ITGBL1: variants seen among roughly 807,000 people sequenced by gnomAD.
ITGBL1 encodes integrin beta-like protein 1.
In ITGBL1, 51 loss-of-function variants were observed where a neutral mutation model predicts 68.5. The ratio of observed to expected loss-of-function variants is 0.74; its 90% CI spans 0.59 to 0.94. The LOEUF (loss-of-function observed/expected upper bound fraction) is 0.94, where lower values mean the gene tolerates loss of function less well. ITGBL1 is among the 40% of genes least tolerant of loss of function. The pLI, the probability that ITGBL1 is intolerant of heterozygous loss-of-function variation, is 0.00. For missense variants in ITGBL1, 649 were observed against 647.4 expected (o/e 1.00, Z -0.03); for synonymous variants, 209 against 227.3 (o/e 0.92, Z 0.72).
At chr13:101,505,058 C>T (rs2049005606) in intron 2 of ITGBL1, among the ~76,000 whole-genome samples, 1 of 152,142 alleles carries the variant, frequency 6.6e-6, no homozygotes, top group Non-Finnish European at 1.5e-5. Flanking sequence ...TAAGCTGTTA[C>T]CATCTCTCAA....
intron 7 of ITGBL1, among the ~76,000 whole-genome samples, chr13:101,658,989 T>C (rs2033007294): frequency 6.6e-6 from 1 of 151,832 alleles, no homozygotes; most frequent in Admixed American, 6.6e-5. Flanking sequence ...AACAAGTTTC[T>C]ATCTTAAACA....
chr13:101,617,639 C>T (rs1450066595), intron 7 of ITGBL1, among the ~76,000 whole-genome samples: 1 of 152,122 alleles, frequency 6.6e-6, no homozygotes, highest in Non-Finnish European at 1.5e-5. Context: ...TTTATTAAAA[C>T]TATAGAAATT....
chr13:101,699,058 C>G (rs2034071774), intron 8 of ITGBL1, among the ~76,000 whole-genome samples: 1 of 152,164 alleles, frequency 6.6e-6, no homozygotes, highest in Non-Finnish European at 1.5e-5. Context: ...TTCAGTGACT[C>G]CCAGGCACTG....
At chr13:101,605,067 T>C (rs190967929) in intron 7 of ITGBL1, among the ~76,000 whole-genome samples, 1 of 143,396 alleles carries the variant, frequency 7.0e-6, no homozygotes, top group African/African-American at 2.6e-5. Context: ...TGTGTATATG[T>C]GTATATACAT....
chr13:101,662,636 C>T (rs2033117080), intron 7 of ITGBL1, among the ~76,000 whole-genome samples: 2 of 152,102 alleles, frequency 1.3e-5, no homozygotes, highest in South Asian at 2.1e-4. Context: ...TGTCTCCATC[C>T]CTCCCACTTT....
chr13:101,720,811 T>A (rs2034923797), downstream of ITGBL1: 1 of 152,158 alleles, frequency 6.6e-6, no homozygotes, highest in African/African-American at 2.4e-5. Context: ...TTTTGTTTGT[T>A]AGATTTGTAA....
intron 2 of ITGBL1, among the ~76,000 whole-genome samples, chr13:101,468,787 G>A (rs2048418868): frequency 6.6e-6 from 1 of 152,180 alleles, no homozygotes; most frequent in Non-Finnish European, 1.5e-5. Context: ...AAGTGAGATA[G>A]CCGAAATCAC....
chr13:101,516,806 T>C (rs1038050813), intron 2 of ITGBL1, among the ~76,000 whole-genome samples: 1 of 152,178 alleles, frequency 6.6e-6, no homozygotes, highest in African/African-American at 2.4e-5. Flanking sequence ...CACACTTCCA[T>C]GTAAACTGAT....
chr13:101,685,239 G>T (rs770533873), intron 7 of ITGBL1, among the ~76,000 whole-genome samples: 1 of 151,838 alleles, frequency 6.6e-6, no homozygotes, highest in Non-Finnish European at 1.5e-5. Flanking sequence ...TTCTCCTATG[G>T]CCTTCACTAT....
intron 7 of ITGBL1, among the ~76,000 whole-genome samples, chr13:101,653,855 CTTT>C (rs1336554587): frequency 9.6e-6 from 1 of 104,644 alleles, no homozygotes; most frequent in African/African-American, 3.3e-5. Context: ...TGCCCAGCTA[CTTT>C]TTTTGTTTTT....
chr13:101,515,423 A>T (rs903424335), intron 2 of ITGBL1, among the ~76,000 whole-genome samples: 2 of 152,088 alleles, frequency 1.3e-5, no homozygotes, highest in African/African-American at 2.4e-5. Context: ...GGTAGTAAGA[A>T]ATAGTTCCAT....
intron 2 of ITGBL1, among the ~76,000 whole-genome samples, chr13:101,551,728 T>G (rs2139213503): frequency 6.6e-6 from 1 of 152,348 alleles, no homozygotes; most frequent in South Asian, 2.1e-4. Flanking sequence ...ACTCAGAAGA[T>G]TAACATATGC....
chr13:101,502,522 A>G (rs1218242472), intron 2 of ITGBL1, among the ~76,000 whole-genome samples: 1 of 152,222 alleles, frequency 6.6e-6, no homozygotes, highest in Non-Finnish European at 1.5e-5. Context: ...ATGAGATAAC[A>G]TTCTAAATTA....
chr13:101,680,399 T>C (rs780948411), intron 7 of ITGBL1, among the ~76,000 whole-genome samples: 6 of 152,062 alleles, frequency 3.9e-5, no homozygotes, highest in Non-Finnish European at 7.4e-5. Context: ...ATACTGCAAG[T>C]GTGGTTTTTA....
intron 2 of ITGBL1, among the ~76,000 whole-genome samples, chr13:101,546,610 G>T (rs1185433143): frequency 6.6e-6 from 1 of 151,840 alleles, no homozygotes; most frequent in Non-Finnish European, 1.5e-5. Context: ...AAACAAAGGT[G>T]AAAAGCAACA....
chr13:101,583,228 G>A lies in ITGBL1; in HGVS notation c.740G>A (p.Cys247Tyr). 4 of 1,613,720 alleles carry A rather than the reference G, an allele frequency of 2.5e-6. No homozygotes were observed. Among genetic ancestry groups the A allele is most frequent in the Non-Finnish European group, 2.5e-6 (3 of 1,179,768 alleles). Residue 247 changes from cysteine to tyrosine, a missense_variant, in exon 6 of 11, where the codon TGT becomes TAT. Coordinates refer to ENST00000376180, the MANE Select transcript of ITGBL1 (RefSeq NM_004791.3). The part of the protein sequence containing the change: ...KICSNRGTCV[C>Y]GECTCHDVDP... ...TCTTCCCACCTAGGGACTTGTGTATGTGGTGAATGTACCTGTCACGATGTT... is the reference window on the plus strand; with the variant it reads ...TCTTCCCACCTAGGGACTTGTGTATATGGTGAATGTACCTGTCACGATGTT...
chr13:101,601,772 C>G (rs1247592209), intron 7 of ITGBL1, among the ~76,000 whole-genome samples: 3 of 152,072 alleles, frequency 2.0e-5, no homozygotes, highest in African/African-American at 7.2e-5. Context: ...ATCCTGAGTT[C>G]TAGTTTGATT....
At chr13:101,576,197 G>A (rs927763515) in intron 4 of ITGBL1, among the ~76,000 whole-genome samples, 2 of 152,170 alleles carry the variant, frequency 1.3e-5, no homozygotes, top group African/African-American at 4.8e-5. Flanking sequence ...CTGGGACGTG[G>A]ATAAATTAGG....
chr13:101,571,423 G>A (rs950522464), intron 3 of ITGBL1, among the ~76,000 whole-genome samples: 10 of 151,970 alleles, frequency 6.6e-5, no homozygotes, highest in Middle Eastern at 3.4e-3. Context: ...GTGTGGTTAT[G>A]GTACTCATTT....
Sources: gnomAD v4.1 joint callset for allele counts (sites outside exome capture counted in the v4.1 genomes callset) on GRCh38, gnomAD v4.1.1 for gene constraint, MANE v1.5 for transcripts, NCBI Gene and HGNC (gene_info 2026-07-23, HGNC 2026-07-21) for gene names.